Variants in IL1RAPL1 observed in about 807,000 individuals in gnomAD.
IL1RAPL1 encodes the protein interleukin 1 receptor accessory protein like 1, also known as interleukin-1 receptor accessory protein-like 1.
A neutral mutation model predicts 48.4 loss-of-function variants in IL1RAPL1; 3 were observed. The observed-to-expected ratio is 0.06, with a 90% CI of 0.03 to 0.16. The LOEUF (loss-of-function observed/expected upper bound fraction) is 0.16, where lower values mean the gene tolerates loss of function less well. Ranked by LOEUF, IL1RAPL1 falls within the 10% of genes least tolerant of loss-of-function variation. The pLI is 1.00. For synonymous variants in IL1RAPL1, 185 were observed against 187.7 expected (o/e 0.99, Z 0.12); for missense variants, 349 against 530.6 (o/e 0.66, Z 3.36).
At chrX:29,339,426 A>T (rs1439089612) in intron 3 of IL1RAPL1, among the ~76,000 whole-genome samples, 2 of 112,002 alleles carry the variant, frequency 1.8e-5, no homozygotes, top group African/African-American at 6.5e-5. Context: ...TTTGATAAAA[A>T]TACCTTAGGA....
intron 5 of IL1RAPL1, among the ~76,000 whole-genome samples, chrX:29,438,879 T>C (rs1447101898): frequency 9.0e-6 from 1 of 111,222 alleles, no homozygotes; most frequent in African/African-American, 3.3e-5. Flanking sequence ...GACCAGATGC[T>C]GTTGATTTAT....
intron 5 of IL1RAPL1, among the ~76,000 whole-genome samples, chrX:29,628,555 C>A (rs1924679927): frequency 9.0e-6 from 1 of 111,696 alleles, no homozygotes; most frequent in Admixed American, 9.6e-5. Flanking sequence ...ATAGAAAGGA[C>A]AAGTGATTCT....
chrX:29,162,788 C>T (rs374870744), intron 2 of IL1RAPL1, among the ~76,000 whole-genome samples: 1 of 110,749 alleles, frequency 9.0e-6, no homozygotes, highest in African/African-American at 3.3e-5. Flanking sequence ...GAAAAGTTCA[C>T]AGGGGCCAGG....
intron 2 of IL1RAPL1, among the ~76,000 whole-genome samples, chrX:28,879,033 A>G (rs1922443027): frequency 8.9e-6 from 1 of 112,049 alleles, no homozygotes; most frequent in Admixed American, 9.5e-5. Flanking sequence ...TATGACATCA[A>G]ACTGAAGTAG....
At chrX:28,792,643 C>T in intron 2 of IL1RAPL1, among the ~76,000 whole-genome samples, 2 of 102,050 alleles carry the variant, frequency 2.0e-5, no homozygotes, top group Middle Eastern at 9.8e-3. Flanking sequence ...AAAAAATTAG[C>T]CGGGCGTGGT....
At chrX:29,000,195 T>C (rs781296634) in intron 2 of IL1RAPL1, among the ~76,000 whole-genome samples, 1 of 111,817 alleles carries the variant, frequency 8.9e-6, no homozygotes, top group Non-Finnish European at 1.9e-5. Context: ...CCAATGTTTT[T>C]ACCGGATACT....
intron 2 of IL1RAPL1, among the ~76,000 whole-genome samples, chrX:28,899,858 C>T (rs1249202848): frequency 9.0e-6 from 1 of 111,604 alleles, no homozygotes; most frequent in Non-Finnish European, 1.9e-5. Context: ...TGCTTTTCTA[C>T]AGATGTACAA....
At chrX:28,666,660 ATTTCT>A (rs1195530392) in intron 1 of IL1RAPL1, among the ~76,000 whole-genome samples, 1 of 111,773 alleles carries the variant, frequency 8.9e-6, no homozygotes, top group Non-Finnish European at 1.9e-5. Flanking sequence ...AAAAAACCAT[ATTTCT>A]TTTGGTCCTT....
At chrX:29,111,127 G>A (rs778565512) in intron 2 of IL1RAPL1, among the ~76,000 whole-genome samples, 3 of 111,129 alleles carry the variant, frequency 2.7e-5, no homozygotes, top group Non-Finnish European at 3.8e-5. Flanking sequence ...ATGAACACCT[G>A]TGTAAACACC....
chrX:29,146,529 G>T lies in IL1RAPL1; in HGVS notation c.83-136409G>T, dbSNP rs780536307. 3.6e-5 allele frequency among the ~76,000 whole-genome samples: 4 copies of T among 111,423 alleles called. No individual in the cohort carries two copies. In the South Asian group the frequency reaches 1.1e-3, roughly 31 times the overall value. ...AAACTCTATTAAGGCAAGAATTTTTGTTTTTTCAGGACTCTACACTAAATC... is the reference window on the plus strand; with the variant it reads ...AAACTCTATTAAGGCAAGAATTTTTTTTTTTTCAGGACTCTACACTAAATC... On this transcript the variant is annotated intron_variant, in intron 2 of 10. Transcript: ENST00000378993.
At chrX:28,708,971 G>A (rs7881555) in intron 1 of IL1RAPL1, among the ~76,000 whole-genome samples, 55,335 of 110,044 alleles carry the variant, frequency 0.5, 10,322 homozygotes, top group Middle Eastern at 0.73. Context: ...ATCACTATAC[G>A]TAGATACATG....
At chrX:29,458,689 C>T (rs192253611) in intron 5 of IL1RAPL1, among the ~76,000 whole-genome samples, 4 of 108,504 alleles carry the variant, frequency 3.7e-5, no homozygotes, top group Admixed American at 9.9e-5. Flanking sequence ...TTTCTCTGAT[C>T]GGTATGGTCT....
chrX:29,024,523 A>G (rs1056652635), intron 2 of IL1RAPL1, among the ~76,000 whole-genome samples: 101 of 112,064 alleles, frequency 9.0e-4, no homozygotes, highest in African/African-American at 3.2e-3. Flanking sequence ...CCTATAAAAT[A>G]GGCAAAATTA....
At chrX:29,716,281 C>G (rs1927480894) in intron 6 of IL1RAPL1, among the ~76,000 whole-genome samples, 1 of 111,092 alleles carries the variant, frequency 9.0e-6, no homozygotes, top group Non-Finnish European at 1.9e-5. Context: ...GAAGAAATAA[C>G]TCTCTTTGGC....
intron 5 of IL1RAPL1, among the ~76,000 whole-genome samples, chrX:29,459,402 T>C (rs1045431707): frequency 5.4e-5 from 6 of 111,705 alleles, no homozygotes; most frequent in Admixed American, 4.8e-4. Flanking sequence ...CAGGCAATTA[T>C]AGACCATTAA....
chrX:28,962,304 T>C (rs956506797), intron 2 of IL1RAPL1, among the ~76,000 whole-genome samples: 2 of 112,109 alleles, frequency 1.8e-5, no homozygotes, highest in African/African-American at 6.5e-5. Context: ...GAGTATAATC[T>C]TTAATAATGT....
intron 2 of IL1RAPL1, among the ~76,000 whole-genome samples, chrX:28,963,607 A>T (rs1420740113): frequency 9.0e-6 from 1 of 111,163 alleles, no homozygotes; most frequent in Non-Finnish European, 1.9e-5. Flanking sequence ...TCCTTTGAAG[A>T]CTATGGTCCT....
intron 6 of IL1RAPL1, among the ~76,000 whole-genome samples, chrX:29,717,743 C>T (rs1927523369): frequency 1.8e-5 from 2 of 111,975 alleles, no homozygotes; most frequent in Non-Finnish European, 3.8e-5. Context: ...AACCATATGG[C>T]CCACAAAACC....
Position 28,725,434 on chromosome X carries a change from G to A in IL1RAPL1, c.-24-63886G>A, listed in dbSNP as rs957692678. 5.5e-4 allele frequency among the ~76,000 whole-genome samples: 61 copies of A among 111,511 alleles called. 1 individual carries two copies. The highest frequency in any genetic ancestry group is 1.5e-3 in the African/African-American group (45 of 30,723). On this transcript the variant is annotated intron_variant, in intron 1 of 10. Coordinates refer to ENST00000378993, the MANE Select transcript of IL1RAPL1 (RefSeq NM_014271.4). ...TTTTCGTTTACATATTTTATTTTGT[G>A]TGTTTTTAAAAATTATTATTACCGG... is the stretch of plus-strand genomic sequence containing the variant.
Sources: gnomAD v4.1 joint callset for allele counts (sites outside exome capture counted in the v4.1 genomes callset) on GRCh38, gnomAD v4.1.1 for gene constraint, MANE v1.5 for transcripts, NCBI Gene and HGNC (gene_info 2026-07-23, HGNC 2026-07-21) for gene names.